Variants in MED25 observed in about 807,000 individuals in gnomAD.
MED25 encodes mediator of RNA polymerase II transcription subunit 25.
MED25 carries 62 observed loss-of-function variants against 89.4 expected under a neutral mutation model. The ratio of observed to expected loss-of-function variants is 0.69; its 90% CI spans 0.57 to 0.86. The LOEUF is 0.86. Ranked by LOEUF, MED25 falls within the 40% of genes least tolerant of loss-of-function variation. The probability of loss-of-function intolerance (pLI) is 0.00; values close to 1 mark genes in which losing one functional copy is unlikely to be tolerated. For synonymous variants in MED25, 449 were observed against 427.9 expected (o/e 1.05, Z -0.61); for missense variants, 905 against 1,005.2 (o/e 0.90, Z 1.35).
intron 13 of MED25, chr19:49,833,171 A>G (rs569203520): frequency 1.1e-3 from 173 of 152,668 alleles, no homozygotes; most frequent in Non-Finnish European, 1.8e-3. Context: ...CAGTGGTGCA[A>G]TCTTGGCTCA....
downstream of MED25, chr19:49,840,313 T>G (rs1035128759): frequency 6.6e-6 from 1 of 152,226 alleles, no homozygotes. Context: ...AAATATAAAC[T>G]CCAGTAACAT....
intron 3 of MED25, among the ~76,000 whole-genome samples, chr19:49,827,105 T>G (rs989837982): frequency 6.6e-6 from 1 of 152,006 alleles, no homozygotes; most frequent in Non-Finnish European, 1.5e-5. Flanking sequence ...AGACCACACT[T>G]CAGGGGGACA....
chr19:49,835,158 T>C lies in MED25; in HGVS notation c.1655T>C (p.Leu552Pro). Residue 552 changes from leucine (L) to proline (P), a missense_variant, in exon 14 of 18, where the codon CTG becomes CCG. Around this residue, in one of 3 missense-constraint regions of MED25, gnomAD observed 133 missense variants for 220.2 expected, o/e 0.60. Transcript: ENST00000312865. This position sits in a 1 kb window ranked among gnomAD's most constrained non-coding sequence, Gnocchi z 6.2. ...CACAAGCAGGTCCAGCAGCAGAAGC[T>C]GGAGCAGCAGCAGCGAGGAGTGAGT... is the stretch of plus-strand genomic sequence containing the variant. ...TNHKQVQQQKLEQQQRGMGGQ... is the reference protein window; with the variant it reads ...TNHKQVQQQKPEQQQRGMGGQ... 6.2e-7 allele frequency: 1 copy of C among 1,614,022 alleles called. No individual in the cohort carries two copies. The highest frequency in any genetic ancestry group is 8.5e-7 in the Non-Finnish European group (1 of 1,180,014).
rs1290551836 is a variant in MED25 at position 49,819,220 on chromosome 19, G to A, written c.229G>A (p.Ala77Thr). ...SLVVFNTVDCAPESYVQCHAP... is the reference protein window; with the variant it reads ...SLVVFNTVDCTPESYVQCHAP... ...CGTGGTGTTCAACACAGTGGACTGC[G>A]CTCCCGAGTCCTACGTACAATGTCA... is the stretch of plus-strand genomic sequence containing the variant. Residue 77 changes from alanine (A) to threonine (T), a missense_variant, in exon 3 of 18, where the codon GCT becomes ACT. Ala to Thr is a moderately conservative substitution (Grantham distance 58). Transcript: ENST00000312865. 2 of 1,614,078 alleles carry A rather than the reference G, an allele frequency of 1.2e-6. No homozygotes were observed. The highest frequency in any genetic ancestry group is 1.7e-6 in the Non-Finnish European group (2 of 1,180,020).
Position 49,829,849 on chromosome 19 carries a change from A to T in MED25, c.589A>T (p.Lys197Ter). The T allele has an allele frequency of 6.2e-7, 1 of 1,612,176 alleles. No individual in the cohort carries two copies. The highest frequency in any genetic ancestry group is 8.5e-7 in the Non-Finnish European group (1 of 1,179,466). ...KLPALRLLFE[K>*]AAPPALLEPL... ...GCCTGCGCTTCGGCTTCTGTTTGAG[A>T]AGGCAGCCCCCCCGGCCTTGCTGGA... The change falls in exon 6 of 18, where the codon AAG becomes TAG. Residue 197 changes from lysine (K) to a stop codon, truncating the protein, a stop_gained. Transcript: ENST00000312865. LOFTEE classifies it high-confidence loss of function. This position sits in a 1 kb window ranked among gnomAD's most constrained non-coding sequence, Gnocchi z 4.6.
In MED25 at chr19:49,832,091, C is replaced by T. The variant is rs370255278; in HGVS notation, c.1317-9C>T. 81 of 1,613,778 alleles carry T rather than the reference C, an allele frequency of 5.0e-5. No individual in the cohort carries two copies. The highest frequency in any genetic ancestry group is 3.4e-4 in the Middle Eastern group (2 of 5,878). ...CCCCTCCTCACACCTCTCCTGGCATCGCCCCCAGGAAGACGGAGCAGTGGC... is the reference window on the plus strand; with the variant it reads ...CCCCTCCTCACACCTCTCCTGGCATTGCCCCCAGGAAGACGGAGCAGTGGC... On this transcript the variant is annotated splice_polypyrimidine_tract_variant and intron_variant, in intron 11 of 17. Coordinates refer to ENST00000312865, the MANE Select transcript of MED25 (RefSeq NM_030973.4).
downstream of MED25, chr19:49,840,252 T>A (rs1389252240): frequency 2.0e-5 from 3 of 152,202 alleles, no homozygotes; most frequent in Non-Finnish European, 2.9e-5. Context: ...AAAATTTTAA[T>A]AATTAAATAT....
At chr19:49,826,721 A>G (rs959775453) in intron 3 of MED25, among the ~76,000 whole-genome samples, 5 of 152,122 alleles carry the variant, frequency 3.3e-5, no homozygotes, top group African/African-American at 4.8e-5. Context: ...GCATGTAGGG[A>G]AGGCTTCCTA....
rs1387012846 is a variant in MED25, at chr19:49,830,087, G to A, written c.689-1G>A. ...GGGTTGGCCATCCCTCCTGCTCTCA[G>A]TTGGGGGTGGCTCAGCCCCAGGCCC... On this transcript the variant is annotated splice_acceptor_variant, in intron 6 of 17. Transcript: ENST00000312865. LOFTEE classifies it high-confidence loss of function. This position sits in a 1 kb window ranked among gnomAD's most constrained non-coding sequence, Gnocchi z 4.6. 1 of 1,606,426 alleles carries A rather than the reference G, an allele frequency of 6.2e-7. No individual in the cohort carries two copies. The highest frequency in any genetic ancestry group is 8.5e-7 in the Non-Finnish European group (1 of 1,177,150).
Position 49,830,554 on chromosome 19 carries a change from C to T in MED25, c.863C>T (p.Ala288Val). ...GCAGCTCAGGTGGCCGCGCAGAATG[C>T]AGTGGAGGCTGCCAAGAACCAGAAG... ...LSAAQVAAQN[A>V]VEAAKNQKAG... The change falls in exon 8 of 18, where the codon GCA becomes GTA. Residue 288 changes from alanine (A) to valine (V), a missense_variant. Around this residue, in one of 3 missense-constraint regions of MED25, gnomAD observed 501 missense variants for 526.9 expected, o/e 0.95. Coordinates refer to ENST00000312865, the MANE Select transcript of MED25 (RefSeq NM_030973.4). This position sits in a 1 kb window ranked among gnomAD's most constrained non-coding sequence, Gnocchi z 4.6. 6.2e-7 allele frequency: 1 copy of T among 1,614,156 alleles called. No homozygotes were observed. Among genetic ancestry groups the T allele is most frequent in the Non-Finnish European group, 8.5e-7 (1 of 1,180,008 alleles).
In MED25 at chr19:49,835,516, C is replaced by T. The variant is rs2074089100; in HGVS notation, c.1675-18C>T. 20 of 1,534,648 alleles carry T rather than the reference C, an allele frequency of 1.3e-5. No individual in the cohort carries two copies. In the South Asian group the frequency reaches 1.5e-4, roughly 11 times the overall value. On this transcript the variant is annotated intron_variant, in intron 14 of 17. Coordinates refer to ENST00000312865, the MANE Select transcript of MED25 (RefSeq NM_030973.4). The surrounding 1 kb of genome is among the most constrained non-coding windows in gnomAD (Gnocchi z 6.2). ...CCACCACCCTCAGTTACTGACCTGC[C>T]CCTCTCTCCCCGTGCAGATGGGGGG...
chr19:49,824,050 T>C (rs910134011), intron 3 of MED25, among the ~76,000 whole-genome samples: 2 of 152,180 alleles, frequency 1.3e-5, no homozygotes, highest in South Asian at 4.1e-4. Flanking sequence ...TGGAGACTTC[T>C]TGAGGCCCAG....
chr19:49,838,424 G>A (rs1391095121), downstream of MED25: 3 of 377,818 alleles, frequency 7.9e-6, no homozygotes, highest in Non-Finnish European at 1.6e-5. Flanking sequence ...CATGGGGCGT[G>A]TGCTTTCTGG....
chr19:49,823,016 A>G (rs1434431542), intron 3 of MED25, among the ~76,000 whole-genome samples: 1 of 151,872 alleles, frequency 6.6e-6, no homozygotes, highest in Non-Finnish European at 1.5e-5. Flanking sequence ...TGGTGGGATC[A>G]TAGCTTGCTG....
Position 49,818,446 on chromosome 19 carries a change from C to G in MED25, c.105C>G (p.Leu35=), listed in dbSNP as rs756582315. 1.2e-6 allele frequency: 2 copies of G among 1,614,062 alleles called. No homozygotes were observed. The highest frequency in any genetic ancestry group is 1.3e-5 in the African/African-American group (1 of 74,948). The change falls in exon 1 of 18, where the codon CTC becomes CTG. Residue 35 remains leucine (L), a synonymous_variant. Transcript: ENST00000312865. ...ACCTGGGACCCTACTTCGAGGGGCTCCGCAAGCACTACCTGCTCCCGGCCA... is the reference window on the plus strand; with the variant it reads ...ACCTGGGACCCTACTTCGAGGGGCTGCGCAAGCACTACCTGCTCCCGGCCA... ...TANLGPYFEG[L]RKHYLLPAIE... is the part of the protein sequence containing the mutation.
rs1488123064 is a variant in MED25 at position 49,830,267 on chromosome 19, C to A, written c.819+49C>A. ...CATGCTTCTGGGGACTTGCTGGAGC[C>A]CTGGCCCCTGGGGAGAAATCTAGTT... On this transcript the variant is annotated intron_variant, in intron 7 of 17. Coordinates refer to ENST00000312865, the MANE Select transcript of MED25 (RefSeq NM_030973.4). The surrounding 1 kb of genome is among the most constrained non-coding windows in gnomAD (Gnocchi z 4.6). The A allele has an allele frequency of 1.3e-6, 2 of 1,582,342 alleles. No homozygotes were observed. Among genetic ancestry groups the A allele is most frequent in the South Asian group, 1.1e-5 (1 of 90,080 alleles).
rs747470717 is a variant in MED25, at chr19:49,835,748, C to T, written c.1768C>T (p.Pro590Ser). The part of the protein sequence containing the change: ...QNLLQLRPPQ[P>S]QPQGTVGASG... ...CCAGCTCCAGCTCCGCCCACCGCAGCCCCAGCCTCAGGGTACCGTAGGGGC... is the reference window on the plus strand; with the variant it reads ...CCAGCTCCAGCTCCGCCCACCGCAGTCCCAGCCTCAGGGTACCGTAGGGGC... Residue 590 changes from proline to serine, a missense_variant, in exon 16 of 18, where the codon CCC (proline) becomes TCC (serine). Physicochemically the swap from Pro to Ser is moderately conservative, Grantham distance 74 (BLOSUM62 -1). Coordinates refer to ENST00000312865, the MANE Select transcript of MED25 (RefSeq NM_030973.4). The surrounding 1 kb of genome is among the most constrained non-coding windows in gnomAD (Gnocchi z 6.2). The T allele has an allele frequency of 5.0e-6, 8 of 1,610,492 alleles. No homozygotes were observed. The highest frequency in any genetic ancestry group is 1.3e-5 in the African/African-American group (1 of 74,852).
Position 49,834,401 on chromosome 19 carries a change from A to T in MED25, c.1483-585A>T, listed in dbSNP as rs543519271. ...CAGGAGCCCCTGCCCTGAATGCTCC[A>T]TGTGTTACCCCCCTGATGACCAGTG... On this transcript the variant is annotated intron_variant, in intron 13 of 17. Coordinates refer to ENST00000312865, the MANE Select transcript of MED25 (RefSeq NM_030973.4). This position sits in a 1 kb window ranked among gnomAD's most constrained non-coding sequence, Gnocchi z 4.1. 3.0e-5 allele frequency: 5 copies of T among 167,366 alleles called. No homozygotes were observed. Among genetic ancestry groups the T allele is most frequent in the Admixed American group, 2.7e-4 (5 of 18,278 alleles). 10.4% of individuals were successfully genotyped at this position (167,366 alleles called of 1,614,324 possible).
intron 3 of MED25, among the ~76,000 whole-genome samples, chr19:49,827,014 A>G (rs913305291): frequency 1.3e-5 from 2 of 152,074 alleles, no homozygotes; most frequent in African/African-American, 4.8e-5. Context: ...GAGGCCTCAC[A>G]TGTGCCCCGC....
Sources: gnomAD v4.1 joint callset for allele counts (sites outside exome capture counted in the v4.1 genomes callset) on GRCh38, gnomAD v4.1.1 for gene constraint, gnomAD v4.1.1 regional missense constraint, Gnocchi (gnomAD v3.1) non-coding constraint, MANE v1.5 for transcripts, NCBI Gene and HGNC (gene_info 2026-07-23, HGNC 2026-07-21) for gene names.